Variants in NAALADL2 observed in about 807,000 individuals in gnomAD.
NAALADL2 encodes the protein inactive N-acetylated-alpha-linked acidic dipeptidase-like protein 2.
In NAALADL2, 76 loss-of-function variants were observed where a neutral mutation model predicts 87.2. The ratio of observed to expected loss-of-function variants is 0.87; its 90% CI spans 0.72 to 1.05. NAALADL2 has a LOEUF of 1.05. Among genes scored for constraint, NAALADL2 ranks in the 50% least tolerant of loss-of-function variants. The pLI is 0.00. For synonymous variants in NAALADL2, 354 were observed against 331.0 expected (o/e 1.07, Z -0.75); for missense variants, 1,089 against 945.8 (o/e 1.15, Z -1.99).
chr3:174,668,278 G>T (rs1184461925), intron 2 of NAALADL2, among the ~76,000 whole-genome samples: 3 of 152,006 alleles, frequency 2.0e-5, no homozygotes, highest in Admixed American at 6.6e-5. Flanking sequence ...ATATATATAT[G>T]ATTTGCAGAT....
intron 1 of NAALADL2, among the ~76,000 whole-genome samples, chr3:174,457,747 G>T (rs1715936986): frequency 6.6e-6 from 1 of 152,064 alleles, no homozygotes; most frequent in Non-Finnish European, 1.5e-5. Flanking sequence ...GGAGGTGGAG[G>T]TTGTAGTGAG....
chr3:175,131,973 C>T lies in NAALADL2; in HGVS notation c.545+34682C>T, dbSNP rs1282997946. ...GCAGAGGCGCCCCTCACCTCCCGGA[C>T]GGGGCAGCTGGCCGGGAGGGGGACT... On this transcript the variant is annotated intron_variant, in intron 2 of 13. Coordinates refer to ENST00000454872, the MANE Select transcript of NAALADL2 (RefSeq NM_207015.3). Among the ~76,000 whole-genome samples the T allele has an allele frequency of 1.6e-3, 193 of 118,094 alleles. 8 individuals are homozygous for T. The highest frequency in any genetic ancestry group is 6.0e-3 in the African/African-American group (181 of 30,068). 77.5% of individuals were successfully genotyped at this position (118,094 alleles called of 152,430 possible).
intron 5 of NAALADL2, among the ~76,000 whole-genome samples, chr3:175,394,610 T>A (rs1769522328): frequency 6.6e-6 from 1 of 152,134 alleles, no homozygotes; most frequent in African/African-American, 2.4e-5. Context: ...ATCTGTAAAC[T>A]GACAGTTGTG....
chr3:174,687,384 G>A (rs1728149208), intron 2 of NAALADL2, among the ~76,000 whole-genome samples: 1 of 151,922 alleles, frequency 6.6e-6, no homozygotes, highest in Non-Finnish European at 1.5e-5. Flanking sequence ...TTTATCTTTT[G>A]CACTCAACAC....
At chr3:174,544,912 G>A (rs142420025) in intron 1 of NAALADL2, among the ~76,000 whole-genome samples, 129 of 151,872 alleles carry the variant, frequency 8.5e-4, no homozygotes, top group Non-Finnish European at 1.5e-3. Flanking sequence ...GTCTAGCTCC[G>A]TTGCCCAGGC....
chr3:175,081,555 C>G (rs556508453), intron 1 of NAALADL2, among the ~76,000 whole-genome samples: 28 of 152,174 alleles, frequency 1.8e-4, no homozygotes, highest in Non-Finnish European at 3.5e-4. Context: ...ATCTAAATTT[C>G]TTTCCTACTG....
At chr3:174,596,868 A>G (rs1202549804) in intron 2 of NAALADL2, among the ~76,000 whole-genome samples, 1 of 152,328 alleles carries the variant, frequency 6.6e-6, no homozygotes, top group East Asian at 1.9e-4. Context: ...GCCCATGGCC[A>G]GTCAGTGATG....
At chr3:175,192,245 A>T (rs1483864242) in intron 2 of NAALADL2, among the ~76,000 whole-genome samples, 2 of 152,098 alleles carry the variant, frequency 1.3e-5, no homozygotes, top group African/African-American at 4.8e-5. Flanking sequence ...TTATAAATAA[A>T]GTAAAGCTAG....
intron 4 of NAALADL2, among the ~76,000 whole-genome samples, chr3:175,312,657 A>G (rs1237200758): frequency 6.6e-6 from 1 of 152,206 alleles, no homozygotes; most frequent in Non-Finnish European, 1.5e-5. Context: ...AGAAAACTCA[A>G]GTTTGATTCC....
At chr3:175,133,544 ACC>A (rs1357451923) in intron 2 of NAALADL2, among the ~76,000 whole-genome samples, 1 of 152,026 alleles carries the variant, frequency 6.6e-6, no homozygotes, top group African/African-American at 2.4e-5. Context: ...ACACAGCGAA[ACC>A]CCGTCTCCAC....
intron 1 of NAALADL2, among the ~76,000 whole-genome samples, chr3:174,990,876 A>G (rs1335408705): frequency 6.6e-6 from 1 of 152,070 alleles, no homozygotes; most frequent in Non-Finnish European, 1.5e-5. Context: ...AAGTGAATCT[A>G]TTTGCAGTCA....
At chr3:175,308,345 T>G (rs1757957044) in intron 4 of NAALADL2, among the ~76,000 whole-genome samples, 1 of 152,218 alleles carries the variant, frequency 6.6e-6, no homozygotes, top group Non-Finnish European at 1.5e-5. Context: ...TTTCATCATT[T>G]CTTTGCACTC....
intron 5 of NAALADL2, among the ~76,000 whole-genome samples, chr3:175,373,300 T>G (rs142845106): frequency 6.6e-6 from 1 of 152,186 alleles, no homozygotes; most frequent in Non-Finnish European, 1.5e-5. Context: ...AAATTTATCT[T>G]ATGTTCCTTT....
intron 4 of NAALADL2, among the ~76,000 whole-genome samples, chr3:175,278,498 C>T (rs1753881351): frequency 1.3e-5 from 2 of 152,172 alleles, no homozygotes; most frequent in South Asian, 4.1e-4. Context: ...TAGGCAAACA[C>T]TCACCATAGT....
chr3:175,133,102 G>A (rs7622530), intron 2 of NAALADL2, among the ~76,000 whole-genome samples: 2,649 of 148,820 alleles, frequency 0.018, 90 homozygotes, highest in African/African-American at 0.064. Context: ...GGGCAGAGGC[G>A]CTCCCCACAT....
intron 2 of NAALADL2, among the ~76,000 whole-genome samples, chr3:175,138,377 G>A (rs1376453496): frequency 6.6e-6 from 1 of 152,124 alleles, no homozygotes; most frequent in Non-Finnish European, 1.5e-5. Context: ...CAGGTATGCT[G>A]ACGTTCACGT....
intron 1 of NAALADL2, among the ~76,000 whole-genome samples, chr3:175,001,660 C>G (rs1748251018): frequency 6.6e-6 from 1 of 152,012 alleles, no homozygotes; most frequent in Non-Finnish European, 1.5e-5. Flanking sequence ...ATTATGTAAG[C>G]TCAGTCTTGG....
chr3:174,981,137 T>G (rs1213326580), intron 1 of NAALADL2, among the ~76,000 whole-genome samples: 2 of 152,180 alleles, frequency 1.3e-5, no homozygotes, highest in East Asian at 3.9e-4. Context: ...GTTTTCCCCC[T>G]ACTCGTTGAG....
At chr3:175,360,878 T>G (rs1387787205) in intron 5 of NAALADL2, among the ~76,000 whole-genome samples, 1 of 151,590 alleles carries the variant, frequency 6.6e-6, no homozygotes, top group Non-Finnish European at 1.5e-5. Context: ...TTTTAATTTT[T>G]TTTATTATCC....
Sources: allele counts gnomAD v4.1 joint callset (sites outside exome capture counted in the v4.1 genomes callset), GRCh38; gene constraint gnomAD v4.1.1; transcripts MANE v1.5; gene names NCBI Gene and HGNC (gene_info 2026-07-23, HGNC 2026-07-21).